Variants in PARVG observed in about 807,000 individuals in gnomAD.
PARVG encodes the protein parvin gamma, also known as gamma-parvin.
Under a neutral mutation model 44.4 loss-of-function variants are expected in PARVG, and 36 were observed. The observed-to-expected ratio is 0.81, with a 90% CI of 0.62 to 1.07. PARVG has a LOEUF of 1.07. Ranked by LOEUF, PARVG falls within the 50% of genes least tolerant of loss-of-function variation. PARVG has a pLI of 0.00. For synonymous variants in PARVG, 170 were observed against 174.1 expected (o/e 0.98, Z 0.19); for missense variants, 407 against 407.4 (o/e 1.00, Z 0.01).
chr22:44,206,488 A>C lies in PARVG; in HGVS notation c.*62A>C. ...GCCCAGCTGGAGGGCCCGAGGCTGC[A>C]GGGTGTCCTCCCACAGTCCCGCTGT... On this transcript the variant is annotated 3_prime_UTR_variant, in exon 14 of 14. Coordinates refer to ENST00000444313, the MANE Select transcript of PARVG (RefSeq NM_022141.7). The C allele has an allele frequency of 6.9e-7, 1 of 1,455,062 alleles. No homozygotes were observed. Among genetic ancestry groups the C allele is most frequent in the Non-Finnish European group, 9.6e-7 (1 of 1,036,920 alleles). 90.1% of individuals were successfully genotyped at this position (1,455,062 alleles called of 1,614,324 possible).
At chr22:44,198,860 A>C (rs1428845630) in intron 12 of PARVG, 138 bp downstream of exon 12, 2 of 499,774 alleles carry the variant, frequency 4.0e-6, no homozygotes, top group Admixed American at 7.9e-5. Context: ...ATGTCTGCCT[A>C]TCCATCCATC....
At chr22:44,199,700 A>G (rs1276818890) in intron 12 of PARVG, among the ~76,000 whole-genome samples, 1 of 152,196 alleles carries the variant, frequency 6.6e-6, no homozygotes, top group African/African-American at 2.4e-5. Context: ...GCATTGCATC[A>G]GAGGGGAGCC....
chr22:44,176,457 C>G (rs186892505), upstream of PARVG, among the ~76,000 whole-genome samples: 1 of 152,100 alleles, frequency 6.6e-6, no homozygotes, highest in Admixed American at 6.5e-5. Context: ...AATGTGCAAC[C>G]AAGGATATGG....
At chr22:44,173,624 G>C (rs1162599930) in intron 1 of PARVG, among the ~76,000 whole-genome samples, 1 of 152,234 alleles carries the variant, frequency 6.6e-6, no homozygotes, top group Non-Finnish European at 1.5e-5. Context: ...GTCCAGGTTT[G>C]TCACTGTGTG....
At chr22:44,193,945 C>A in intron 9 of PARVG, 122 bp downstream of exon 9, 1 of 1,265,072 alleles carries the variant, frequency 7.9e-7, no homozygotes. Context: ...CTGTTTGTAT[C>A]TCAAGCCTCA....
In PARVG at chr22:44,206,463, G is replaced by C. The variant is rs764947395; in HGVS notation, c.*37G>C. 1 of 1,598,116 alleles carries C rather than the reference G, an allele frequency of 6.3e-7. No individual in the cohort carries two copies. Among genetic ancestry groups the C allele is most frequent in the East Asian group, 2.2e-5 (1 of 44,788 alleles). On this transcript the variant is annotated 3_prime_UTR_variant, in exon 14 of 14. Coordinates refer to ENST00000444313, the MANE Select transcript of PARVG (RefSeq NM_022141.7). ...TCCAAAGCCCAGAGCCTGCCTGTCA[G>C]CCCAGCTGGAGGGCCCGAGGCTGCA...
At chr22:44,185,252 C>T (rs956225700) in intron 3 of PARVG, 5 of 153,044 alleles carry the variant, frequency 3.3e-5, no homozygotes, top group Admixed American at 1.3e-4. Context: ...GACTCAGTAT[C>T]CCCCCATGTA....
chr22:44,181,497 C>T, intron 1 of PARVG: 1 of 730,930 alleles, frequency 1.4e-6, no homozygotes, highest in Non-Finnish European at 1.7e-6. Flanking sequence ...TGGTGGGTTG[C>T]GGGGGTCGAC....
At chr22:44,175,798 G>A (rs183841003) in intron 1 of PARVG, among the ~76,000 whole-genome samples, 3 of 152,314 alleles carry the variant, frequency 2.0e-5, no homozygotes, top group African/African-American at 4.8e-5. Context: ...GGACGAAGAT[G>A]GAGCAGAGGG....
At chr22:44,194,109 G>A (rs1294103291) in intron 9 of PARVG, among the ~76,000 whole-genome samples, 1 of 152,214 alleles carries the variant, frequency 6.6e-6, no homozygotes, top group Admixed American at 6.5e-5. Flanking sequence ...CAGTGGCCTG[G>A]GTTCAAACAC....
chr22:44,178,471 C>A (rs2054339034), upstream of PARVG, among the ~76,000 whole-genome samples: 1 of 152,198 alleles, frequency 6.6e-6, no homozygotes, highest in African/African-American at 2.4e-5. Context: ...AAGAATATTT[C>A]TGCCAGAAAA....
chr22:44,180,992 A>G lies in PARVG; in HGVS notation c.-382A>G. 2 of 985,032 alleles carry G rather than the reference A, an allele frequency of 2.0e-6. No individual in the cohort carries two copies. Among genetic ancestry groups the G allele is most frequent in the Non-Finnish European group, 2.4e-6 (2 of 829,800 alleles). 61.0% of individuals were successfully genotyped at this position (985,032 alleles called of 1,614,324 possible). ...CTGTGCTGAGATCTCTCCTTCTCGA[A>G]CCCTGCTATGCCTTTGCATACGCTG... On this transcript the variant is annotated 5_prime_UTR_variant, in exon 1 of 14. Transcript: ENST00000444313.
chr22:44,186,631 C>T lies in PARVG; in HGVS notation c.144+759C>T, dbSNP rs74385495. Reference sequence around the variant, plus strand: ...TGGGGACACCATCTGTGGTCTTGCCCGGAAGACCTGGTGAGGTGCTGACAT... The same window carrying T: ...TGGGGACACCATCTGTGGTCTTGCCTGGAAGACCTGGTGAGGTGCTGACAT... On this transcript the variant is annotated intron_variant, in intron 4 of 13. Transcript: ENST00000444313. 4,641 of 471,194 alleles carry T rather than the reference C, an allele frequency of 9.8e-3. 188 individuals are homozygous for T. Among genetic ancestry groups the T allele is most frequent in the African/African-American group, 0.085 (4,249 of 50,192 alleles). 29.2% of individuals were successfully genotyped at this position (471,194 alleles called of 1,614,324 possible).
intron 9 of PARVG, among the ~76,000 whole-genome samples, chr22:44,195,558 C>T (rs115526229): frequency 6.7e-4 from 102 of 152,360 alleles, no homozygotes; most frequent in African/African-American, 2.3e-3. Flanking sequence ...GGGCCTGAGC[C>T]GCTGTTCCCA....
At chr22:44,205,917 G>A in intron 13 of PARVG, 88 bp downstream of exon 13, 2 of 1,447,396 alleles carry the variant, frequency 1.4e-6, no homozygotes, top group Non-Finnish European at 1.9e-6. Flanking sequence ...GGGCATTGGG[G>A]GATGAGCACG....
intron 1 of PARVG, among the ~76,000 whole-genome samples, chr22:44,173,467 A>G (rs2054289897): frequency 6.6e-6 from 1 of 152,094 alleles, no homozygotes; most frequent in South Asian, 2.1e-4. Flanking sequence ...AGGTGCGTCG[A>G]ATTTTACGAA....
At chr22:44,173,653 G>A (rs950719671) in intron 1 of PARVG, among the ~76,000 whole-genome samples, 7 of 152,202 alleles carry the variant, frequency 4.6e-5, no homozygotes, top group Non-Finnish European at 8.8e-5. Flanking sequence ...TGCGGGGAGC[G>A]AAGTAATCCA....
Position 44,196,405 on chromosome 22 carries a change from T to G in PARVG, c.701T>G (p.Leu234Arg), listed in dbSNP as rs1482462777. 1 of 1,614,212 alleles carries G rather than the reference T, an allele frequency of 6.2e-7. No individual in the cohort carries two copies. Among genetic ancestry groups the G allele is most frequent in the Middle Eastern group, 1.7e-4 (1 of 6,060 alleles). Residue 234 changes from leucine (L) to arginine (R), a missense_variant, in exon 11 of 14, where the codon CTG (leucine) becomes CGG (arginine). Coordinates refer to ENST00000444313, the MANE Select transcript of PARVG (RefSeq NM_022141.7). ...CGCCTGGGCCTGTCTGTGCAGAATCTGGACACCCAGGTAGGGACTGAGCTG... is the reference window on the plus strand; with the variant it reads ...CGCCTGGGCCTGTCTGTGCAGAATCGGGACACCCAGGTAGGGACTGAGCTG... ...LDRLGLSVQN[L>R]DTQFADGVIL... is the part of the protein sequence containing the mutation.
intron 12 of PARVG, among the ~76,000 whole-genome samples, chr22:44,203,378 C>A (rs139168): frequency 0.47 from 71,049 of 151,962 alleles, 16,550 homozygotes; most frequent in Middle Eastern, 0.49. Context: ...AAGGTTCATG[C>A]GGCCCACCAA....
Sources: allele counts gnomAD v4.1 joint callset (sites outside exome capture counted in the v4.1 genomes callset), GRCh38; gene constraint gnomAD v4.1.1; transcripts MANE v1.5; gene names NCBI Gene and HGNC (gene_info 2026-07-23, HGNC 2026-07-21).